RERE: variants seen among roughly 807,000 people sequenced by gnomAD.
RERE encodes arginine-glutamic acid dipeptide repeats.
A neutral mutation model predicts 146.1 loss-of-function variants in RERE; 40 were observed. The observed-to-expected ratio is 0.27, with a 90% confidence interval of 0.21 to 0.36. RERE has a LOEUF of 0.36. RERE is among the 10% of genes least tolerant of loss of function. The pLI, the probability that RERE is intolerant of heterozygous loss-of-function variation, is 1.00. For missense variants in RERE, 1,933 were observed against 2,138.7 expected, an observed-to-expected ratio of 0.90 and a Z score of 1.90; for synonymous variants, 1,003 against 866.0, an observed-to-expected ratio of 1.16 and a Z score of -2.78.
At position 8,750,597 on chromosome 1, in the gene RERE, A is replaced by C. The variant is rs573859737; in HGVS notation, c.-145+66563T>G. The C allele has an allele frequency of 2.1e-4, 213 of 998,990 alleles. No homozygotes were observed. The South Asian group carries it at 2.5e-3, about 12-fold the overall frequency. The allele number at this position is 998,990 out of a possible 1,614,324, so 61.9% of individuals were successfully genotyped here. A position where few individuals can be genotyped will look rare whatever the true frequency, so the allele number is the denominator to read the frequency against. On this transcript the variant is annotated intron_variant, in intron 1 of 22. Coordinates refer to ENST00000400908, the MANE Select transcript of RERE (RefSeq NM_001042681.2). ...CTTATTTATGAAAAAGCAAAGCACT[A>C]TCACAAGGAATATAGGCAGATGTAC...
chr1:8,761,777 T>C (rs112036902), intron 1 of RERE, among the ~76,000 whole-genome samples: 4,485 of 151,708 alleles, frequency 0.03, 98 homozygotes, highest in Non-Finnish European at 0.039. Flanking sequence ...AAAAAAATAG[T>C]CGGGCGTGGT....
chr1:8,713,595 G>A lies in RERE; in HGVS notation c.-144-57154C>T, dbSNP rs1044918137. 5.9e-5 allele frequency among the ~76,000 whole-genome samples: 9 copies of A among 151,974 alleles called. No individual in the cohort carries two copies. In the South Asian group the frequency reaches 8.3e-4, roughly 14 times the overall value. ...CTAAAAATACAAAAATTAGCTGGGCGTGATGGCAGGCACCTGTAGTCCCAG... is the reference window on the plus strand; with the variant it reads ...CTAAAAATACAAAAATTAGCTGGGCATGATGGCAGGCACCTGTAGTCCCAG... On this transcript the variant is annotated intron_variant, in intron 1 of 22. Coordinates refer to ENST00000400908, the MANE Select transcript of RERE (RefSeq NM_001042681.2).
intron 8 of RERE, among the ~76,000 whole-genome samples, chr1:8,502,983 C>CAG (rs769209363): frequency 6.6e-6 from 1 of 150,570 alleles, no homozygotes; most frequent in East Asian, 1.9e-4. Context: ...CTAGGAAAAC[C>CAG]AGAGACCTTT....
chr1:8,492,435 A>C (rs778535777), intron 10 of RERE, among the ~76,000 whole-genome samples: 1 of 152,160 alleles, frequency 6.6e-6, no homozygotes, highest in Admixed American at 6.5e-5. Context: ...CAGTTATGAA[A>C]GCAGGATTTT....
At chr1:8,616,593 A>T (rs549221643) in intron 3 of RERE, among the ~76,000 whole-genome samples, 66 of 152,310 alleles carry the variant, frequency 4.3e-4, no homozygotes, top group African/African-American at 1.6e-3. Context: ...CATTGAAAAA[A>T]ATTTCACATA....
chr1:8,514,582 AG>A (rs1296500854), intron 7 of RERE, among the ~76,000 whole-genome samples: 2 of 152,102 alleles, frequency 1.3e-5, no homozygotes, highest in Non-Finnish European at 2.9e-5. Context: ...ACACAAAATT[AG>A]CCATACCGGG....
At chr1:8,372,201 C>T (rs1202675734) in intron 12 of RERE, among the ~76,000 whole-genome samples, 1 of 152,146 alleles carries the variant, frequency 6.6e-6, no homozygotes, top group Non-Finnish European at 1.5e-5. Context: ...CTGTTTCAAA[C>T]AGTATGGGGC....
chr1:8,609,588 A>G (rs967008804), intron 4 of RERE, among the ~76,000 whole-genome samples: 1 of 152,192 alleles, frequency 6.6e-6, no homozygotes, highest in African/African-American at 2.4e-5. Flanking sequence ...CAAAGCAGGG[A>G]AGCCACAGTA....
chr1:8,444,474 G>A (rs1344686782), intron 11 of RERE, among the ~76,000 whole-genome samples: 1 of 152,166 alleles, frequency 6.6e-6, no homozygotes, highest in Admixed American at 6.5e-5. Flanking sequence ...ACTGGAATGA[G>A]GTAAGACTTT....
chr1:8,695,660 C>G (rs927095138), intron 1 of RERE, among the ~76,000 whole-genome samples: 76 of 146,752 alleles, frequency 5.2e-4, no homozygotes, highest in African/African-American at 1.8e-3. Context: ...ACTTGGGAGG[C>G]TGAGGCAGAG....
chr1:8,495,713 G>A (rs1645036349), intron 9 of RERE, among the ~76,000 whole-genome samples: 1 of 152,176 alleles, frequency 6.6e-6, no homozygotes, highest in South Asian at 2.1e-4. Flanking sequence ...GCAGTACTAA[G>A]ATTTTAGATT....
At chr1:8,735,858 C>A (rs1285630023) in intron 1 of RERE, among the ~76,000 whole-genome samples, 2 of 152,166 alleles carry the variant, frequency 1.3e-5, no homozygotes, top group East Asian at 3.9e-4. Context: ...AGCCTTGCTT[C>A]CTGTACAGCC....
At chr1:8,603,344 T>C (rs1016390857) in intron 4 of RERE, among the ~76,000 whole-genome samples, 1 of 152,228 alleles carries the variant, frequency 6.6e-6, no homozygotes, top group Non-Finnish European at 1.5e-5. Context: ...CACTGATGGT[T>C]TCTGAGTGGC....
At chr1:8,524,906 T>G (rs1404532582) in intron 7 of RERE, among the ~76,000 whole-genome samples, 1 of 152,224 alleles carries the variant, frequency 6.6e-6, no homozygotes, top group East Asian at 1.9e-4. Flanking sequence ...CACCAACTAC[T>G]CTTTTTACTC....
rs1641257947 is a variant in RERE at position 8,355,598 on chromosome 1, G to A, written c.4488C>T (p.Gly1496=). Residue 1496 remains glycine (G), a splice_region_variant and synonymous_variant, in exon 22 of 23, where the codon GGC becomes GGT. Coordinates refer to ENST00000400908, the MANE Select transcript of RERE (RefSeq NM_001042681.2). ...CAGGCAGGTCACGGGGGTAGGGGGT[G>A]CCTGCCGAACACAAAACAACCTGCG... ...EHEMLRHPVF[G]TPYPRDLPGA... 7.6e-6 allele frequency: 12 copies of A among 1,571,326 alleles called. No homozygotes were observed. The East Asian group carries it at 1.1e-4, about 15-fold the overall frequency.
chr1:8,701,330 A>C (rs1017253855), intron 1 of RERE, among the ~76,000 whole-genome samples: 1 of 126,220 alleles, frequency 7.9e-6, no homozygotes, highest in Admixed American at 7.8e-5. Flanking sequence ...ACACGCACAC[A>C]CTCCCTCCCT....
At chr1:8,502,789 C>T (rs1335015478) in intron 8 of RERE, among the ~76,000 whole-genome samples, 1 of 146,544 alleles carries the variant, frequency 6.8e-6, no homozygotes, top group Non-Finnish European at 1.5e-5. Context: ...TGACCTTATC[C>T]CCAACCCTGT....
In RERE at chr1:8,757,919, C is replaced by CACAAACACACACAT. The variant is rs1553145839; in HGVS notation, c.-145+59240_-145+59241insATGTGTGTGTTTGT. Among the ~76,000 whole-genome samples the CACAAACACACACAT allele has an allele frequency of 2.7e-5, 4 of 150,746 alleles. No individual in the cohort carries two copies. In the East Asian group the frequency reaches 7.8e-4, roughly 30 times the overall value. On this transcript the variant is annotated intron_variant, in intron 1 of 22. Coordinates refer to ENST00000400908, the MANE Select transcript of RERE (RefSeq NM_001042681.2). Reference sequence around the variant, plus strand: ...ACACACACACACATACATACACACACACACACACACATATATATGCAATAG... The same window carrying CACAAACACACACAT: ...ACACACACACACATACATACACACACACAAACACACACATACACACACACATATATATGCAATAG...
intron 10 of RERE, among the ~76,000 whole-genome samples, chr1:8,473,231 T>C (rs1313339696): frequency 6.6e-6 from 1 of 152,206 alleles, no homozygotes; most frequent in Non-Finnish European, 1.5e-5. Flanking sequence ...TGTCTAGCCC[T>C]CTTCTGCCAC....
Sources: allele counts gnomAD v4.1 joint callset (sites outside exome capture counted in the v4.1 genomes callset), GRCh38; gene constraint gnomAD v4.1.1; transcripts MANE v1.5; gene names NCBI Gene and HGNC (gene_info 2026-07-23, HGNC 2026-07-21).